Variants in GRXCR1 observed in about 807,000 individuals in gnomAD.
GRXCR1 encodes the protein glutaredoxin and cysteine rich domain containing 1, also known as glutaredoxin domain-containing cysteine-rich protein 1.
GRXCR1 carries 27 observed loss-of-function variants against 27.3 expected under a neutral mutation model. The ratio of observed to expected loss-of-function variants is 0.99; its 90% CI spans 0.73 to 1.37. The LOEUF (loss-of-function observed/expected upper bound fraction) is 1.37, where lower values mean the gene tolerates loss of function less well. Ranked by LOEUF, GRXCR1 falls within the 40% of genes most tolerant of loss-of-function variation. The probability of loss-of-function intolerance (pLI) is 0.00; values close to 1 mark genes in which losing one functional copy is unlikely to be tolerated. For missense variants in GRXCR1, 379 were observed against 354.4 expected (o/e 1.07, Z -0.56); for synonymous variants, 122 against 131.1 (o/e 0.93, Z 0.47).
At chr4:42,996,783 C>T (rs1258644665) in intron 2 of GRXCR1, among the ~76,000 whole-genome samples, 3 of 151,574 alleles carry the variant, frequency 2.0e-5, no homozygotes, top group Non-Finnish European at 4.4e-5. Flanking sequence ...AACATCCTGA[C>T]AAAATAAAAT....
intron 1 of GRXCR1, among the ~76,000 whole-genome samples, chr4:42,933,616 A>C (rs1371846563): frequency 9.2e-5 from 14 of 151,860 alleles, no homozygotes; most frequent in Admixed American, 9.2e-4. Context: ...TGGTTTTTGG[A>C]GGTGATTAGG....
At chr4:42,986,996 ATGTGTATG>A (rs1711746433) in intron 2 of GRXCR1, among the ~76,000 whole-genome samples, 1 of 113,014 alleles carries the variant, frequency 8.8e-6, no homozygotes, top group African/African-American at 3.8e-5. Context: ...TTTAAGAGAT[ATGTGTATG>A]TGTGTGTGTG....
chr4:42,996,092 C>G (rs976357613), intron 2 of GRXCR1, among the ~76,000 whole-genome samples: 1 of 151,916 alleles, frequency 6.6e-6, no homozygotes, highest in African/African-American at 2.4e-5. Context: ...TAGAAGCATG[C>G]ACAAAAAATT....
At chr4:43,024,844 T>A (rs1713204300) in intron 3 of GRXCR1, among the ~76,000 whole-genome samples, 1 of 152,202 alleles carries the variant, frequency 6.6e-6, no homozygotes, top group African/African-American at 2.4e-5. Context: ...ATGATTATAA[T>A]GCCAAGCGTG....
chr4:43,021,809 G>A (rs1399845437), intron 3 of GRXCR1, among the ~76,000 whole-genome samples: 1 of 152,134 alleles, frequency 6.6e-6, no homozygotes, highest in Non-Finnish European at 1.5e-5. Context: ...CATACAGAGA[G>A]TAAATTTGTT....
intron 2 of GRXCR1, among the ~76,000 whole-genome samples, chr4:43,010,420 A>T (rs1712710328): frequency 6.7e-6 from 1 of 150,160 alleles, no homozygotes; most frequent in Non-Finnish European, 1.5e-5. Flanking sequence ...AAAAAAAAAG[A>T]GTGTGGCCTG....
chr4:42,977,941 A>C, intron 2 of GRXCR1, among the ~76,000 whole-genome samples: 1 of 151,934 alleles, frequency 6.6e-6, no homozygotes, highest in Non-Finnish European at 1.5e-5. Context: ...TTTGTGTCCT[A>C]TGTTTAGGTC....
chr4:43,008,654 A>C (rs573985208), intron 2 of GRXCR1, among the ~76,000 whole-genome samples: 1 of 152,330 alleles, frequency 6.6e-6, no homozygotes, highest in South Asian at 2.1e-4. Context: ...GCTTATTCTC[A>C]TAGTATCCCT....
chr4:42,999,625 C>G (rs192943654), intron 2 of GRXCR1, among the ~76,000 whole-genome samples: 7 of 152,340 alleles, frequency 4.6e-5, no homozygotes, highest in African/African-American at 1.7e-4. Context: ...CTTTTTCCCT[C>G]AAGATATCCC....
Position 42,930,482 on chromosome 4 carries a change from T to G in GRXCR1, c.385-32410T>G, listed in dbSNP as rs139741563. Among the ~76,000 whole-genome samples, 280 of 152,118 alleles carry G rather than the reference T, an allele frequency of 1.8e-3. 1 individual carries two copies. The highest frequency in any genetic ancestry group is 6.6e-3 in the African/African-American group (275 of 41,566). ...ATAGGTTATATTCAAAATCTCTGTGTTTCCTATCTCTCCTCTCCTTTTATC... is the reference window on the plus strand; with the variant it reads ...ATAGGTTATATTCAAAATCTCTGTGGTTCCTATCTCTCCTCTCCTTTTATC... On this transcript the variant is annotated intron_variant, in intron 1 of 3. Transcript: ENST00000399770.
At chr4:42,942,012 A>C (rs1025306376) in intron 1 of GRXCR1, among the ~76,000 whole-genome samples, 35 of 152,084 alleles carry the variant, frequency 2.3e-4, no homozygotes, top group Non-Finnish European at 5.9e-5. Context: ...ACATAATTTC[A>C]AAACATGTTT....
rs1182129570 is a variant in GRXCR1 at position 43,030,590 on chromosome 4, C to T, written c.*50C>T. The T allele has an allele frequency of 1.1e-5, 16 of 1,420,976 alleles. No individual in the cohort carries two copies. Among genetic ancestry groups the T allele is most frequent in the Non-Finnish European group, 1.6e-5 (16 of 1,005,084 alleles). The allele number at this position is 1,420,976 out of a possible 1,614,324, so 88.0% of individuals were successfully genotyped here. On this transcript the variant is annotated 3_prime_UTR_variant, in exon 4 of 4. Coordinates refer to ENST00000399770, the MANE Select transcript of GRXCR1 (RefSeq NM_001080476.3). ...CTCATTTTATTAATCAAAGGCAATA[C>T]TTTGGTTTATATATATATTTTTAAA... is the stretch of plus-strand genomic sequence containing the variant.
At chr4:42,909,337 G>A (rs1407081768) in intron 1 of GRXCR1, among the ~76,000 whole-genome samples, 2 of 152,062 alleles carry the variant, frequency 1.3e-5, no homozygotes, top group East Asian at 3.9e-4. Context: ...AATTAGTGAA[G>A]ACTACAAATT....
intron 2 of GRXCR1, among the ~76,000 whole-genome samples, chr4:42,997,343 G>A (rs1712202300): frequency 1.3e-5 from 2 of 152,148 alleles, no homozygotes; most frequent in Non-Finnish European, 1.5e-5. Context: ...GAAATCTAGT[G>A]TGTCTATTTA....
At chr4:42,902,240 G>C (rs1228635398) in intron 1 of GRXCR1, among the ~76,000 whole-genome samples, 1 of 152,098 alleles carries the variant, frequency 6.6e-6, no homozygotes, top group Non-Finnish European at 1.5e-5. Flanking sequence ...CAAATGTTTG[G>C]TTTAGTAAAT....
intron 2 of GRXCR1, among the ~76,000 whole-genome samples, chr4:43,012,462 G>A (rs1448663810): frequency 6.6e-6 from 1 of 151,674 alleles, no homozygotes; most frequent in East Asian, 1.9e-4. Context: ...TAAGACTTTT[G>A]TCAAACTCCA....
chr4:42,923,035 C>G (rs1747056084), intron 1 of GRXCR1, among the ~76,000 whole-genome samples: 1 of 152,120 alleles, frequency 6.6e-6, no homozygotes, highest in Non-Finnish European at 1.5e-5. Flanking sequence ...AATGAACACT[C>G]AACCCCCAAC....
chr4:42,944,165 A>C (rs1376317), intron 1 of GRXCR1, among the ~76,000 whole-genome samples: 7,784 of 152,140 alleles, frequency 0.051, 252 homozygotes, highest in South Asian at 0.088. Flanking sequence ...TGACTAGAGA[A>C]GACTGGATGG....
chr4:42,908,609 C>T (rs143763863), intron 1 of GRXCR1, among the ~76,000 whole-genome samples: 2 of 152,290 alleles, frequency 1.3e-5, no homozygotes, highest in African/African-American at 4.8e-5. Context: ...AAGTAATCTT[C>T]TATGCCTATT....
Sources: allele counts gnomAD v4.1 joint callset (sites outside exome capture counted in the v4.1 genomes callset), GRCh38; gene constraint gnomAD v4.1.1; transcripts MANE v1.5; gene names NCBI Gene and HGNC (gene_info 2026-07-23, HGNC 2026-07-21).